The following KDM4C variants were observed in gnomAD, a reference collection of about 807,000 sequenced individuals.
KDM4C encodes lysine-specific demethylase 4C.
A neutral mutation model predicts 129.3 loss-of-function variants in KDM4C; 81 were observed. That is an observed-to-expected ratio of 0.63 (90% CI 0.52 to 0.75). The LOEUF (loss-of-function observed/expected upper bound fraction) is 0.75. KDM4C is among the 30% of genes least tolerant of loss of function. The pLI, the probability that KDM4C is intolerant of heterozygous loss-of-function variation, is 0.00. For synonymous variants in KDM4C, 573 were observed against 456.1 expected (o/e 1.26, Z -3.26); for missense variants, 1,457 against 1,304.0 (o/e 1.12, Z -1.81).
chr9:6,842,312 CTTTTTTTTT>C lies in KDM4C; in HGVS notation c.436-7181_436-7173del, dbSNP rs759138371. Among the ~76,000 whole-genome samples the C allele has an allele frequency of 1.3e-4, 13 of 97,876 alleles. No homozygotes were observed. In the East Asian group the frequency reaches 3.0e-3, roughly 23 times the overall value. The allele number at this position is 97,876 out of a possible 152,430, so 64.2% of individuals were successfully genotyped here. On this transcript the variant is annotated intron_variant, in intron 4 of 21. Coordinates refer to ENST00000381309, the MANE Select transcript of KDM4C (RefSeq NM_015061.6). ...GATTTATTTTCTTTTATCCACATTT[CTTTTTTTTT>C]TTTTTTTTTTTTTGAGACGGAGTCT...
At chr9:7,030,621 T>TA (rs1433739702) in intron 15 of KDM4C, among the ~76,000 whole-genome samples, 1 of 152,188 alleles carries the variant, frequency 6.6e-6, no homozygotes, top group Non-Finnish European at 1.5e-5. Flanking sequence ...AAAGTTGCTA[T>TA]AAAAAATAAA....
chr9:6,858,308 C>T (rs1009938706), intron 5 of KDM4C, among the ~76,000 whole-genome samples: 1 of 151,830 alleles, frequency 6.6e-6, no homozygotes, highest in African/African-American at 2.4e-5. Flanking sequence ...CCTTAGGATG[C>T]TTGCTGAATC....
intron 17 of KDM4C, among the ~76,000 whole-genome samples, chr9:7,055,319 A>G (rs970022447): frequency 6.6e-6 from 1 of 152,238 alleles, no homozygotes; most frequent in Non-Finnish European, 1.5e-5. Context: ...TATTTCTGCA[A>G]CCAAATAGAG....
At chr9:6,980,499 C>G (rs1816582269) in intron 8 of KDM4C, among the ~76,000 whole-genome samples, 1 of 152,106 alleles carries the variant, frequency 6.6e-6, no homozygotes, top group Non-Finnish European at 1.5e-5. Flanking sequence ...AAATTTATCT[C>G]AACTCACTGG....
intron 5 of KDM4C, among the ~76,000 whole-genome samples, chr9:6,856,456 C>G (rs1839821224): frequency 6.6e-6 from 1 of 151,288 alleles, no homozygotes; most frequent in South Asian, 2.1e-4. Flanking sequence ...TAAGAAAATA[C>G]TTTTAGAAAT....
At chr9:7,017,076 C>T (rs1275147506) in intron 15 of KDM4C, among the ~76,000 whole-genome samples, 3 of 152,092 alleles carry the variant, frequency 2.0e-5, no homozygotes, top group South Asian at 2.1e-4. Flanking sequence ...GCTGGGACTA[C>T]AGGCATGCGC....
At chr9:6,956,844 G>A (rs1400036240) in intron 8 of KDM4C, among the ~76,000 whole-genome samples, 1 of 152,106 alleles carries the variant, frequency 6.6e-6, no homozygotes, top group Non-Finnish European at 1.5e-5. Context: ...GCATAGTAGG[G>A]TATCCATTTC....
chr9:6,994,956 T>C (rs1819425241), intron 12 of KDM4C, among the ~76,000 whole-genome samples: 1 of 152,190 alleles, frequency 6.6e-6, no homozygotes, highest in South Asian at 2.1e-4. Flanking sequence ...TGAGGGCTTT[T>C]GGAGCTGTGA....
At chr9:6,995,948 G>T (rs528366544) in intron 12 of KDM4C, among the ~76,000 whole-genome samples, 4 of 152,188 alleles carry the variant, frequency 2.6e-5, no homozygotes, top group African/African-American at 7.2e-5. Flanking sequence ...GATTACAGGC[G>T]TGAGCCACCG....
chr9:6,812,685 G>C (rs980769538), intron 3 of KDM4C, among the ~76,000 whole-genome samples: 8 of 152,188 alleles, frequency 5.3e-5, no homozygotes, highest in African/African-American at 1.9e-4. Context: ...TTCCTAACAG[G>C]CCGCGGACCC....
intron 5 of KDM4C, among the ~76,000 whole-genome samples, chr9:6,864,487 T>G (rs908867492): frequency 6.6e-6 from 1 of 152,176 alleles, no homozygotes; most frequent in Non-Finnish European, 1.5e-5. Flanking sequence ...GTAATCTTAT[T>G]TGGGTCATAT....
At chr9:6,792,411 C>T (rs913719247) in intron 1 of KDM4C, among the ~76,000 whole-genome samples, 1 of 151,780 alleles carries the variant, frequency 6.6e-6, no homozygotes, top group African/African-American at 2.4e-5. Flanking sequence ...TCGCTCAGAC[C>T]AGAGTCTCAC....
intron 7 of KDM4C, among the ~76,000 whole-genome samples, chr9:6,891,150 GA>G (rs1040332097): frequency 2.0e-5 from 3 of 152,218 alleles, no homozygotes; most frequent in Non-Finnish European, 2.9e-5. Context: ...ATGGGCAGGG[GA>G]TGGTCTAGGT....
intron 17 of KDM4C, among the ~76,000 whole-genome samples, chr9:7,069,493 C>A (rs1832906654): frequency 6.6e-6 from 1 of 152,098 alleles, no homozygotes; most frequent in Non-Finnish European, 1.5e-5. Flanking sequence ...CCCTAGGCTA[C>A]AGAGCAAGAC....
chr9:6,721,708 C>A (rs1040777968), intron 1 of KDM4C, among the ~76,000 whole-genome samples: 2 of 151,868 alleles, frequency 1.3e-5, no homozygotes, highest in African/African-American at 2.4e-5. Context: ...CCTGCCTCAG[C>A]CTCCTGAGTA....
At chr9:6,894,206 A>G (rs1394100828) in intron 8 of KDM4C, among the ~76,000 whole-genome samples, 1 of 152,254 alleles carries the variant, frequency 6.6e-6, no homozygotes, top group Non-Finnish European at 1.5e-5. Flanking sequence ...AGAAAATTGC[A>G]TAATATATTA....
chr9:7,153,114 G>C (rs1029363130), intron 19 of KDM4C, among the ~76,000 whole-genome samples: 1 of 151,642 alleles, frequency 6.6e-6, no homozygotes, highest in South Asian at 2.1e-4. Flanking sequence ...CTTCTTTTTT[G>C]TTTTATAGAG....
chr9:6,915,805 G>T (rs1254467800), intron 8 of KDM4C, among the ~76,000 whole-genome samples: 1 of 152,026 alleles, frequency 6.6e-6, no homozygotes, highest in Non-Finnish European at 1.5e-5. Flanking sequence ...TTTGGAAGCT[G>T]CCTGTTAATA....
intron 1 of KDM4C, among the ~76,000 whole-genome samples, chr9:6,730,845 G>C (rs954961081): frequency 6.6e-6 from 1 of 152,128 alleles, no homozygotes; most frequent in Non-Finnish European, 1.5e-5. Context: ...TGAACACTCC[G>C]CAGTGTATGA....
Sources: gnomAD v4.1 joint callset for allele counts (sites outside exome capture counted in the v4.1 genomes callset) on GRCh38, gnomAD v4.1.1 for gene constraint, MANE v1.5 for transcripts, NCBI Gene and HGNC (gene_info 2026-07-23, HGNC 2026-07-21) for gene names.